HCN1: variants seen among roughly 807,000 people sequenced by gnomAD.
HCN1 encodes the protein potassium/sodium hyperpolarization-activated cyclic nucleotide-gated channel 1.
A neutral mutation model predicts 78.9 loss-of-function variants in HCN1; 13 were observed. The ratio of observed to expected loss-of-function variants is 0.16; its 90% CI spans 0.11 to 0.26. The LOEUF (loss-of-function observed/expected upper bound fraction) is 0.26. Ranked by LOEUF, HCN1 falls within the 10% of genes least tolerant of loss-of-function variation. The pLI is 1.00. For synonymous variants in HCN1, 552 were observed against 455.5 expected (o/e 1.21, Z -2.70); for missense variants, 810 against 1,154.3 (o/e 0.70, Z 4.32).
chr5:45,324,656 T>C (rs185188031), intron 5 of HCN1, among the ~76,000 whole-genome samples: 1 of 151,794 alleles, frequency 6.6e-6, no homozygotes, highest in African/African-American at 2.4e-5. Context: ...TAATAAAACA[T>C]GGCTTGGTTT....
At chr5:45,539,564 C>G (rs1242749318) in intron 2 of HCN1, among the ~76,000 whole-genome samples, 1 of 150,704 alleles carries the variant, frequency 6.6e-6, no homozygotes, top group African/African-American at 2.4e-5. Context: ...ACTCGGGAGG[C>G]TGAGGTAGGA....
intron 4 of HCN1, among the ~76,000 whole-genome samples, chr5:45,375,968 T>G: frequency 8.4e-6 from 1 of 118,614 alleles, no homozygotes; most frequent in Non-Finnish European, 1.6e-5. Flanking sequence ...TGATAAAATA[T>G]TTTATCACAT....
At chr5:45,634,735 G>A (rs1745329519) in intron 2 of HCN1, among the ~76,000 whole-genome samples, 1 of 151,942 alleles carries the variant, frequency 6.6e-6, no homozygotes, top group Non-Finnish European at 1.5e-5. Context: ...ATTATCTAGA[G>A]CTACATTTCT....
chr5:45,321,525 A>G (rs1448196195), intron 5 of HCN1, among the ~76,000 whole-genome samples: 1 of 151,910 alleles, frequency 6.6e-6, no homozygotes, highest in East Asian at 1.9e-4. Flanking sequence ...CCACAGCTTT[A>G]TATTTTGCAA....
chr5:45,342,089 C>A (rs1746594835), intron 5 of HCN1, among the ~76,000 whole-genome samples: 2 of 152,090 alleles, frequency 1.3e-5, no homozygotes, highest in Admixed American at 6.6e-5. Flanking sequence ...TAGGGATGAA[C>A]AACATGGCTC....
intron 3 of HCN1, among the ~76,000 whole-genome samples, chr5:45,434,832 GAA>G (rs1306950445): frequency 6.6e-6 from 1 of 151,936 alleles, no homozygotes; most frequent in African/African-American, 2.4e-5. Flanking sequence ...AAAAAATAGA[GAA>G]TAATCAAAGT....
chr5:45,652,894 C>G (rs915411438), intron 1 of HCN1, among the ~76,000 whole-genome samples: 11 of 151,970 alleles, frequency 7.2e-5, no homozygotes, highest in Non-Finnish European at 1.3e-4. Context: ...TCAAATTCAG[C>G]TTTTCATTTT....
chr5:45,343,365 G>T (rs1376931418), intron 5 of HCN1, among the ~76,000 whole-genome samples: 1 of 152,214 alleles, frequency 6.6e-6, no homozygotes, highest in African/African-American at 2.4e-5. Context: ...GGTAGTCAGA[G>T]AAATCAGACC....
At chr5:45,507,973 TCA>T (rs1742341960) in intron 2 of HCN1, among the ~76,000 whole-genome samples, 1 of 152,102 alleles carries the variant, frequency 6.6e-6, no homozygotes, top group Non-Finnish European at 1.5e-5. Flanking sequence ...TATCTGAATT[TCA>T]CCAAAAACTT....
chr5:45,530,858 G>T (rs1048139694), intron 2 of HCN1, among the ~76,000 whole-genome samples: 4 of 152,000 alleles, frequency 2.6e-5, no homozygotes, highest in African/African-American at 9.7e-5. Context: ...CTTTCCCAAG[G>T]TCACACAGCT....
chr5:45,455,949 T>C (rs569404162), intron 3 of HCN1, among the ~76,000 whole-genome samples: 165 of 152,018 alleles, frequency 1.1e-3, no homozygotes, highest in Non-Finnish European at 1.7e-3. Flanking sequence ...TTAGTAAGTG[T>C]CCCTGTCACA....
intron 4 of HCN1, among the ~76,000 whole-genome samples, chr5:45,379,791 A>G (rs1395917844): frequency 6.6e-6 from 1 of 152,026 alleles, no homozygotes; most frequent in East Asian, 1.9e-4. Context: ...TTGATACAGA[A>G]AGAAAACCAC....
chr5:45,597,043 G>A (rs1444858126), intron 2 of HCN1, among the ~76,000 whole-genome samples: 1 of 152,034 alleles, frequency 6.6e-6, no homozygotes, highest in African/African-American at 2.4e-5. Flanking sequence ...AGAAAAAGAG[G>A]GAATACTCCC....
At chr5:45,405,342 G>T (rs1388076404) in intron 3 of HCN1, among the ~76,000 whole-genome samples, 1 of 152,128 alleles carries the variant, frequency 6.6e-6, no homozygotes. Context: ...TAAACAGTTG[G>T]TCTTTGAACA....
At chr5:45,582,402 AC>A (rs1744100412) in intron 2 of HCN1, among the ~76,000 whole-genome samples, 1 of 152,172 alleles carries the variant, frequency 6.6e-6, no homozygotes, top group Non-Finnish European at 1.5e-5. Context: ...GTTGCCTATC[AC>A]CTTAAGGAGA....
chr5:45,303,870 G>A lies in HCN1; in HGVS notation c.1378-31C>T, dbSNP rs775406682. 4.4e-6 allele frequency: 7 copies of A among 1,583,666 alleles called. No homozygotes were observed. The East Asian group carries it at 1.1e-4, about 25-fold the overall frequency. ...GATGTCAAGAGTAAACAAATATTAA[G>A]AGAGATATTAATCATATCTGGAAGA... On this transcript the variant is annotated intron_variant, in intron 5 of 7. Coordinates refer to ENST00000303230, the MANE Select transcript of HCN1 (RefSeq NM_021072.4).
At chr5:45,660,705 G>A (rs1367080696) in intron 1 of HCN1, among the ~76,000 whole-genome samples, 9 of 137,780 alleles carry the variant, frequency 6.5e-5, no homozygotes, top group Non-Finnish European at 1.1e-4. Context: ...AAGAGACAAA[G>A]AAGGCCATTA....
intron 3 of HCN1, among the ~76,000 whole-genome samples, chr5:45,426,742 C>G (rs988334315): frequency 6.6e-6 from 1 of 152,096 alleles, no homozygotes. Flanking sequence ...CAGAAGCACT[C>G]AAGTCTGCTC....
chr5:45,532,711 G>C (rs369876780), intron 2 of HCN1, among the ~76,000 whole-genome samples: 10 of 152,164 alleles, frequency 6.6e-5, no homozygotes, highest in African/African-American at 1.9e-4. Flanking sequence ...TACAGTACTT[G>C]TTGTCCTTGA....
Sources: allele counts gnomAD v4.1 joint callset (sites outside exome capture counted in the v4.1 genomes callset), GRCh38; gene constraint gnomAD v4.1.1; transcripts MANE v1.5; gene names NCBI Gene and HGNC (gene_info 2026-07-23, HGNC 2026-07-21).